Variants in FHIT observed in about 807,000 individuals in gnomAD.
FHIT encodes bis(5'-adenosyl)-triphosphatase.
A neutral mutation model predicts 17.9 loss-of-function variants in FHIT; 19 were observed. The ratio of observed to expected loss-of-function variants is 1.06; its 90% CI spans 0.74 to 1.56. FHIT has a LOEUF of 1.56. FHIT is among the 40% of genes most tolerant of loss of function. The pLI, the probability that FHIT is intolerant of heterozygous loss-of-function variation, is 0.00. For missense variants in FHIT, 248 were observed against 189.2 expected, an observed-to-expected ratio of 1.31 and a Z score of -1.82; for synonymous variants, 81 against 69.7, an observed-to-expected ratio of 1.16 and a Z score of -0.81.
In FHIT at chr3:60,995,264, G is replaced by A. The variant is rs559452928; in HGVS notation, c.-111+46783C>T. On this transcript the variant is annotated intron_variant, in intron 3 of 9. Coordinates refer to ENST00000492590, the MANE Select transcript of FHIT (RefSeq NM_002012.4). Reference sequence around the variant, plus strand: ...GAACCCGGGAGGCGGAGCTTGCAGTGAGCCGAGATCGTGCCACTGCACTCC... The same window carrying A: ...GAACCCGGGAGGCGGAGCTTGCAGTAAGCCGAGATCGTGCCACTGCACTCC... Among the ~76,000 whole-genome samples the A allele has an allele frequency of 2.0e-5, 3 of 152,252 alleles. No homozygotes were observed. In the East Asian group the frequency reaches 5.8e-4, roughly 29 times the overall value.
At chr3:60,146,191 C>T (rs1023352474) in intron 5 of FHIT, among the ~76,000 whole-genome samples, 1 of 149,036 alleles carries the variant, frequency 6.7e-6, no homozygotes, top group Non-Finnish European at 1.5e-5. Flanking sequence ...AGCCTTGTGA[C>T]TTTATTTAGG....
intron 3 of FHIT, among the ~76,000 whole-genome samples, chr3:60,940,611 C>A (rs1708371179): frequency 6.6e-6 from 1 of 152,068 alleles, no homozygotes; most frequent in Non-Finnish European, 1.5e-5. Flanking sequence ...ATGATGACAT[C>A]TTTATCAATC....
At chr3:60,858,200 T>C (rs932379741) in intron 3 of FHIT, among the ~76,000 whole-genome samples, 1 of 152,052 alleles carries the variant, frequency 6.6e-6, no homozygotes, top group African/African-American at 2.4e-5. Context: ...GATTCTCTTG[T>C]AAGCAAATGA....
At chr3:61,147,987 T>C (rs1440654888) in intron 2 of FHIT, among the ~76,000 whole-genome samples, 1 of 151,716 alleles carries the variant, frequency 6.6e-6, no homozygotes, top group African/African-American at 2.4e-5. Flanking sequence ...GAAAGAATTA[T>C]TCTAGGATTC....
chr3:61,160,951 T>C (rs1385908841), intron 2 of FHIT, among the ~76,000 whole-genome samples: 2 of 152,198 alleles, frequency 1.3e-5, no homozygotes, highest in Non-Finnish European at 2.9e-5. Context: ...CAGCTCAGAT[T>C]ATCTCCTTTG....
chr3:60,075,821 G>A (rs947365368), intron 5 of FHIT, among the ~76,000 whole-genome samples: 1 of 152,088 alleles, frequency 6.6e-6, no homozygotes, highest in African/African-American at 2.4e-5. Context: ...TTCTCATGAA[G>A]CTGAGTTTAT....
rs34034432 is a variant in FHIT at position 59,970,919 on chromosome 3, TA to T, written c.279+40451del. Among the ~76,000 whole-genome samples the T allele has an allele frequency of 1.6e-3, 232 of 145,586 alleles. 1 individual carries two copies. Among genetic ancestry groups the T allele is most frequent in the African/African-American group, 5.7e-3 (224 of 39,474 alleles). The stretch of plus-strand genomic sequence containing the variant: ...ACTAGTTGACGGAACAAGCAGGGAT[TA>T]AAAAAAAAAAATTCCTCCTCTTTGT... On this transcript the variant is annotated intron_variant, in intron 7 of 9. Coordinates refer to ENST00000492590, the MANE Select transcript of FHIT (RefSeq NM_002012.4).
chr3:60,973,640 T>C (rs1320018431), intron 3 of FHIT, among the ~76,000 whole-genome samples: 1 of 152,190 alleles, frequency 6.6e-6, no homozygotes, highest in Non-Finnish European at 1.5e-5. Context: ...GCTTTTATTT[T>C]CCCTGATTTT....
In FHIT at chr3:61,021,291, T is replaced by C. The variant is rs952453370; in HGVS notation, c.-111+20756A>G. ...CACATAAGTGGAAGTAAAACACTCC[T>C]CAGCAAATGAAAAAGAACAGAAATC... is the stretch of plus-strand genomic sequence containing the variant. On this transcript the variant is annotated intron_variant, in intron 3 of 9. Coordinates refer to ENST00000492590, the MANE Select transcript of FHIT (RefSeq NM_002012.4). 5.3e-5 allele frequency among the ~76,000 whole-genome samples: 8 copies of C among 152,208 alleles called. No homozygotes were observed. The South Asian group carries it at 1.5e-3, about 28-fold the overall frequency.
At chr3:60,898,311 A>G (rs1420686837) in intron 3 of FHIT, among the ~76,000 whole-genome samples, 1 of 152,236 alleles carries the variant, frequency 6.6e-6, no homozygotes, top group Admixed American at 6.5e-5. Context: ...AACAACTCTG[A>G]GAAAATTTAC....
intron 5 of FHIT, among the ~76,000 whole-genome samples, chr3:60,225,886 A>C (rs949783730): frequency 6.6e-6 from 1 of 152,142 alleles, no homozygotes; most frequent in African/African-American, 2.4e-5. Flanking sequence ...ACTGCAGAGG[A>C]CCAAGTCCTG....
intron 5 of FHIT, among the ~76,000 whole-genome samples, chr3:60,135,286 G>T (rs554583006): frequency 5.3e-5 from 8 of 152,204 alleles, no homozygotes; most frequent in Non-Finnish European, 1.0e-4. Context: ...AATGCCTTCA[G>T]GGACCAGGCA....
chr3:59,863,422 G>A (rs958845119), intron 8 of FHIT, among the ~76,000 whole-genome samples: 30 of 152,274 alleles, frequency 2.0e-4, no homozygotes, highest in African/African-American at 7.0e-4. Context: ...AAGAAACAAC[G>A]CCTGCAACGG....
chr3:60,072,169 C>G (rs1477506618), intron 5 of FHIT, among the ~76,000 whole-genome samples: 1 of 152,166 alleles, frequency 6.6e-6, no homozygotes, highest in Non-Finnish European at 1.5e-5. Context: ...CTGATGACAA[C>G]AGGCAGTTGC....
intron 8 of FHIT, among the ~76,000 whole-genome samples, chr3:59,860,248 GA>G (rs902855665): frequency 2.6e-5 from 4 of 152,160 alleles, no homozygotes; most frequent in African/African-American, 9.7e-5. Context: ...CCTTTGTTGG[GA>G]AGAATTGATG....
chr3:60,917,498 T>C (rs551161797), intron 3 of FHIT, among the ~76,000 whole-genome samples: 1 of 152,358 alleles, frequency 6.6e-6, no homozygotes, highest in African/African-American at 2.4e-5. Context: ...ATCTAAAATC[T>C]TTGCCATGGC....
chr3:59,984,670 T>C (rs577283492), intron 7 of FHIT, among the ~76,000 whole-genome samples: 6 of 152,216 alleles, frequency 3.9e-5, no homozygotes, highest in African/African-American at 1.4e-4. Context: ...CCTTGGCTAA[T>C]ACCAGTAACA....
At chr3:60,450,411 T>C (rs1055639738) in intron 5 of FHIT, among the ~76,000 whole-genome samples, 1 of 152,022 alleles carries the variant, frequency 6.6e-6, no homozygotes, top group Non-Finnish European at 1.5e-5. Context: ...TGTATATATA[T>C]CTCTAAGAGC....
chr3:60,710,950 G>A (rs1577099413), intron 4 of FHIT, among the ~76,000 whole-genome samples: 1 of 152,218 alleles, frequency 6.6e-6, no homozygotes, highest in Non-Finnish European at 1.5e-5. Flanking sequence ...CTGGAGATCT[G>A]AGAATGGGCA....
Sources: allele counts gnomAD v4.1 joint callset (sites outside exome capture counted in the v4.1 genomes callset), GRCh38; gene constraint gnomAD v4.1.1; transcripts MANE v1.5; gene names NCBI Gene and HGNC (gene_info 2026-07-23, HGNC 2026-07-21).